The following DPP10 variants were observed in gnomAD, a reference collection of about 807,000 sequenced individuals.
The protein encoded by DPP10 is inactive dipeptidyl peptidase 10.
DPP10 carries 33 observed loss-of-function variants against 120.9 expected under a neutral mutation model. The observed-to-expected ratio is 0.27, with a 90% CI of 0.21 to 0.37. The LOEUF (loss-of-function observed/expected upper bound fraction) is 0.37, where lower values mean the gene tolerates loss of function less well. DPP10 is among the 10% of genes least tolerant of loss of function. The pLI, the probability that DPP10 is intolerant of heterozygous loss-of-function variation, is 1.00. For missense variants in DPP10, 816 were observed against 942.8 expected (o/e 0.87, Z 1.76); for synonymous variants, 337 against 326.1 (o/e 1.03, Z -0.36).
intron 1 of DPP10, among the ~76,000 whole-genome samples, chr2:115,068,922 A>G (rs1279824129): frequency 6.6e-6 from 1 of 152,104 alleles, no homozygotes; most frequent in Middle Eastern, 3.2e-3. Flanking sequence ...ATTGGGCTGT[A>G]TGTCTATTTT....
chr2:114,639,132 A>G (rs1695520351), intron 1 of DPP10, among the ~76,000 whole-genome samples: 1 of 151,868 alleles, frequency 6.6e-6, no homozygotes, highest in Non-Finnish European at 1.5e-5. Flanking sequence ...TTTATAAAGG[A>G]AAGAGGTTTA....
chr2:115,442,494 T>C (rs1224948484), intron 3 of DPP10, among the ~76,000 whole-genome samples: 2 of 152,070 alleles, frequency 1.3e-5, no homozygotes, highest in Non-Finnish European at 2.9e-5. Flanking sequence ...CAGTATTCAG[T>C]GTCCAGTGGA....
chr2:115,244,263 G>T (rs1360611286), intron 1 of DPP10, among the ~76,000 whole-genome samples: 4 of 146,920 alleles, frequency 2.7e-5, no homozygotes, highest in Non-Finnish European at 4.5e-5. Context: ...GAGAGAGAGA[G>T]AGAGAGAGAG....
In DPP10 at chr2:114,870,635, A is replaced by G. The variant is rs1481902862; in HGVS notation, c.60+427797A>G. Among the ~76,000 whole-genome samples, 3 of 136,560 alleles carry G rather than the reference A, an allele frequency of 2.2e-5. 1 individual carries two copies. Among genetic ancestry groups the G allele is most frequent in the African/African-American group, 7.7e-5 (3 of 39,098 alleles). 89.6% of individuals were successfully genotyped at this position (136,560 alleles called of 152,430 possible). A position where few individuals can be genotyped will look rare whatever the true frequency, so the allele number is the denominator to read the frequency against. ...TCACCCTAGAAGTGAGTGTTACAGA[A>G]TCTCAAAAAAAATATTTTGATAATA... On this transcript the variant is annotated intron_variant, in intron 1 of 25. Coordinates refer to ENST00000410059, the MANE Select transcript of DPP10 (RefSeq NM_020868.6).
chr2:115,590,228 T>C (rs2149168594), intron 5 of DPP10, among the ~76,000 whole-genome samples: 1 of 151,494 alleles, frequency 6.6e-6, no homozygotes, highest in East Asian at 2.0e-4. Flanking sequence ...GCAGGTTAGT[T>C]ACATATGTAT....
At chr2:115,015,697 C>T (rs1363252237) in intron 1 of DPP10, among the ~76,000 whole-genome samples, 3 of 152,260 alleles carry the variant, frequency 2.0e-5, no homozygotes, top group Middle Eastern at 3.4e-3. Flanking sequence ...CAATCCTATA[C>T]ACCAATAATA....
intron 19 of DPP10, among the ~76,000 whole-genome samples, chr2:115,799,426 TTTTC>T (rs1412940521): frequency 6.6e-6 from 1 of 151,944 alleles, no homozygotes; most frequent in Non-Finnish European, 1.5e-5. Context: ...TGCTTTTATT[TTTTC>T]TTTTTTTATT....
intron 1 of DPP10, among the ~76,000 whole-genome samples, chr2:115,109,533 T>G (rs948646950): frequency 8.1e-6 from 1 of 124,050 alleles, no homozygotes. Flanking sequence ...AGACTCCGTC[T>G]CAAAAAAAAA....
At position 114,490,622 on chromosome 2, in the gene DPP10, C is replaced by T. The variant is rs539460658; in HGVS notation, c.60+47784C>T. On this transcript the variant is annotated intron_variant, in intron 1 of 25. Coordinates refer to ENST00000410059, the MANE Select transcript of DPP10 (RefSeq NM_020868.6). ...GGCAAGATTTGAAGAATTGATAGAA[C>T]TTGGCTTATGGAGAAGCAAAGGGGG... is the stretch of plus-strand genomic sequence containing the variant. Among the ~76,000 whole-genome samples the T allele has an allele frequency of 3.3e-5, 5 of 152,230 alleles. No individual in the cohort carries two copies. In the East Asian group the frequency reaches 9.6e-4, roughly 29 times the overall value.
intron 1 of DPP10, among the ~76,000 whole-genome samples, chr2:114,703,343 T>C (rs964571217): frequency 6.6e-6 from 1 of 152,154 alleles, no homozygotes; most frequent in Non-Finnish European, 1.5e-5. Context: ...AAATTGTAAA[T>C]AGGCTAGCAG....
intron 1 of DPP10, among the ~76,000 whole-genome samples, chr2:115,084,987 A>T (rs1037580767): frequency 1.3e-5 from 2 of 152,162 alleles, no homozygotes; most frequent in Non-Finnish European, 1.5e-5. Flanking sequence ...CACCACACTG[A>T]TGTTCAGTTT....
At chr2:114,971,880 A>G (rs1255797592) in intron 1 of DPP10, among the ~76,000 whole-genome samples, 4 of 152,162 alleles carry the variant, frequency 2.6e-5, no homozygotes, top group Non-Finnish European at 5.9e-5. Flanking sequence ...ATTCACTTCC[A>G]TGATGCACAC....
At chr2:115,621,344 C>G (rs578169127) in intron 5 of DPP10, among the ~76,000 whole-genome samples, 1 of 152,194 alleles carries the variant, frequency 6.6e-6, no homozygotes, top group East Asian at 1.9e-4. Context: ...GCAATTATTT[C>G]TAGCTACAAA....
intron 1 of DPP10, among the ~76,000 whole-genome samples, chr2:115,017,064 G>A (rs181293828): frequency 0.064 from 9,020 of 140,364 alleles, 497 homozygotes; most frequent in Non-Finnish European, 0.09. Context: ...TTGTGGAGTG[G>A]GGGGAGGGGG....
intron 1 of DPP10, among the ~76,000 whole-genome samples, chr2:115,035,555 T>C (rs913073135): frequency 4.6e-5 from 7 of 152,226 alleles, no homozygotes; most frequent in Non-Finnish European, 8.8e-5. Flanking sequence ...GTAAAGTGAA[T>C]GAAGTAAAAC....
intron 1 of DPP10, among the ~76,000 whole-genome samples, chr2:114,469,178 T>G (rs966751121): frequency 2.6e-5 from 4 of 152,170 alleles, no homozygotes; most frequent in African/African-American, 9.7e-5. Flanking sequence ...TCTGAGAAAT[T>G]CCAGAAACTG....
intron 1 of DPP10, among the ~76,000 whole-genome samples, chr2:114,828,037 T>C (rs1426659527): frequency 2.0e-5 from 3 of 152,246 alleles, no homozygotes; most frequent in Non-Finnish European, 2.9e-5. Context: ...CATTTTGTTG[T>C]TGTCAGAGTC....
intron 1 of DPP10, among the ~76,000 whole-genome samples, chr2:115,082,231 C>T (rs1363052710): frequency 6.6e-6 from 1 of 152,060 alleles, no homozygotes; most frequent in Non-Finnish European, 1.5e-5. Context: ...AAAAACCTTC[C>T]TGCTAAGGTC....
chr2:115,498,381 G>C (rs67676649), intron 3 of DPP10, among the ~76,000 whole-genome samples: 1 of 151,934 alleles, frequency 6.6e-6, no homozygotes, highest in African/African-American at 2.4e-5. Flanking sequence ...TCTGCCAAAA[G>C]TGTCAGACAC....
Sources: allele counts gnomAD v4.1 joint callset (sites outside exome capture counted in the v4.1 genomes callset), GRCh38; gene constraint gnomAD v4.1.1; transcripts MANE v1.5; gene names NCBI Gene and HGNC (gene_info 2026-07-23, HGNC 2026-07-21).